SATL1: variants seen among roughly 807,000 people sequenced by gnomAD.
SATL1 encodes spermidine/spermine N1-acetyl transferase like 1.
SATL1 carries 47 observed loss-of-function variants against 51.8 expected under a neutral mutation model. That is an observed-to-expected ratio of 0.91 (90% CI 0.72 to 1.16). The LOEUF (loss-of-function observed/expected upper bound fraction) is 1.16, where lower values mean the gene tolerates loss of function less well. Ranked by LOEUF, SATL1 falls within the 50% of genes most tolerant of loss-of-function variation. The pLI is 0.00. For missense variants in SATL1, 520 were observed against 526.4 expected, an observed-to-expected ratio of 0.99 and a Z score of 0.12; for synonymous variants, 176 against 182.4, an observed-to-expected ratio of 0.97 and a Z score of 0.28.
In SATL1 at chrX:85,188,138, G is replaced by A. The variant is rs748188674; in HGVS notation, c.-313+36067C>T. Reference sequence around the variant, plus strand: ...AATTTTTACCTTCCTTGCATGCAAAGAAATGCTGTACATAAAAAGATAATT... The same window carrying A: ...AATTTTTACCTTCCTTGCATGCAAAAAAATGCTGTACATAAAAAGATAATT... On this transcript the variant is annotated intron_variant, in intron 2 of 7. Transcript: ENST00000644105. 1.8e-4 allele frequency among the ~76,000 whole-genome samples: 20 copies of A among 111,633 alleles called. No homozygotes were observed. The Admixed American group carries it at 1.8e-3, about 10-fold the overall frequency.
chrX:85,174,918 T>C (rs1311185272), intron 2 of SATL1, among the ~76,000 whole-genome samples: 3 of 111,566 alleles, frequency 2.7e-5, no homozygotes, highest in East Asian at 2.8e-4. Flanking sequence ...ACCTATATGG[T>C]ACGGAGGCAT....
chrX:85,110,719 G>A (rs1334289162), intron 2 of SATL1, among the ~76,000 whole-genome samples: 1 of 112,135 alleles, frequency 8.9e-6, no homozygotes, highest in Non-Finnish European at 1.9e-5. Context: ...ATTGTACCTA[G>A]AGAGCCCATC....
At chrX:85,173,212 C>T (rs1213966411) in intron 2 of SATL1, among the ~76,000 whole-genome samples, 4 of 110,614 alleles carry the variant, frequency 3.6e-5, no homozygotes, top group Non-Finnish European at 7.6e-5. Context: ...GTTAAGGACC[C>T]AGGGCCAAAT....
chrX:85,207,059 G>C (rs1207697454), intron 2 of SATL1: 1 of 111,824 alleles, frequency 8.9e-6, no homozygotes, highest in Non-Finnish European at 1.9e-5. Flanking sequence ...TGCAGAAGCT[G>C]GAGGTTTTAA....
At chrX:85,171,073 TTAAAAGTAAGAAATACTAATAGAATAA>T (rs1478487894) in intron 2 of SATL1, among the ~76,000 whole-genome samples, 5 of 111,451 alleles carry the variant, frequency 4.5e-5, no homozygotes, top group Admixed American at 1.9e-4. Flanking sequence ...AACTGGTAAT[TTAAAAGTAAGAAATACTAATAGAATAA>T]TATGGTCATA....
chrX:85,125,773 G>A (rs1346086315), intron 2 of SATL1, among the ~76,000 whole-genome samples: 1 of 109,007 alleles, frequency 9.2e-6, no homozygotes, highest in Non-Finnish European at 1.9e-5. Flanking sequence ...ATCCATTATT[G>A]AATCATTCAA....
chrX:85,220,680 A>G (rs1174372182), intron 2 of SATL1, among the ~76,000 whole-genome samples: 1 of 87,497 alleles, frequency 1.1e-5, no homozygotes, highest in Non-Finnish European at 2.1e-5. Flanking sequence ...AAAAAAAAAA[A>G]AAAAAAACTC....
At chrX:85,202,897 G>A (rs750993838) in intron 2 of SATL1, among the ~76,000 whole-genome samples, 1 of 112,113 alleles carries the variant, frequency 8.9e-6, no homozygotes, top group African/African-American at 3.2e-5. Flanking sequence ...TGTAGAGGCA[G>A]TGACCAAGTG....
chrX:85,108,704 T>C lies in SATL1; in HGVS notation c.265A>G (p.Met89Val), dbSNP rs1380596529. The change falls in exon 3 of 8, where the codon ATG becomes GTG. Residue 89 changes from methionine to valine, a missense_variant. Met to Val is a conservative substitution (Grantham distance 21, BLOSUM62 1). Coordinates refer to ENST00000644105, the MANE Select transcript of SATL1 (RefSeq NM_001367857.2). Reference protein sequence around the residue: ...TWQLGRSQPGMLQQELSQLVL... With the variant: ...TWQLGRSQPGVLQQELSQLVL... ...AGTTGGCTCAGTTCTTGTTGCAGCA[T>C]GCCTGGTTGGCTCCTACCTAATTGC... 1.7e-6 allele frequency: 2 copies of C among 1,201,814 alleles called. No individual in the cohort carries two copies. Among genetic ancestry groups the C allele is most frequent in the Non-Finnish European group, 2.2e-6 (2 of 890,699 alleles).
At chrX:85,153,068 C>A (rs1201042779) in intron 2 of SATL1, among the ~76,000 whole-genome samples, 3 of 110,156 alleles carry the variant, frequency 2.7e-5, no homozygotes, top group Non-Finnish European at 3.8e-5. Flanking sequence ...ATCAGAGAAC[C>A]ACATTCATAT....
intron 2 of SATL1, among the ~76,000 whole-genome samples, chrX:85,155,732 C>CA (rs935407406): frequency 1.9e-4 from 21 of 111,058 alleles, no homozygotes; most frequent in Admixed American, 5.8e-4. Flanking sequence ...GCCATGGTGC[C>CA]AGACAGAATG....
chrX:85,136,292 T>C (rs972708869), intron 2 of SATL1, among the ~76,000 whole-genome samples: 3 of 111,466 alleles, frequency 2.7e-5, no homozygotes, highest in African/African-American at 6.5e-5. Context: ...ACACTGGAGA[T>C]AGATTTGAGA....
chrX:85,094,785 T>G, intron 5 of SATL1, 131 bp downstream of exon 5: 1 of 451,495 alleles, frequency 2.2e-6, no homozygotes, highest in Non-Finnish European at 3.9e-6. Flanking sequence ...ACCATGCATT[T>G]TCTTTAAAAA....
At chrX:85,093,554 G>A (rs942207779) in intron 6 of SATL1, among the ~76,000 whole-genome samples, 2 of 112,373 alleles carry the variant, frequency 1.8e-5, no homozygotes, top group Non-Finnish European at 3.7e-5. Context: ...AAGTATAGCT[G>A]TGTGGCCTAT....
chrX:85,168,715 T>C (rs756182867), intron 2 of SATL1, among the ~76,000 whole-genome samples: 1 of 111,960 alleles, frequency 8.9e-6, no homozygotes, highest in South Asian at 3.7e-4. Context: ...ATTTATAGGT[T>C]CAATGCTATT....
At chrX:85,193,367 C>T (rs1276728925) in intron 2 of SATL1, among the ~76,000 whole-genome samples, 2 of 110,753 alleles carry the variant, frequency 1.8e-5, no homozygotes, top group African/African-American at 3.3e-5. Context: ...GCTACCCAGG[C>T]GAAGAAGAAG....
intron 2 of SATL1, chrX:85,210,767 T>C (rs903495087): frequency 2.7e-5 from 3 of 111,786 alleles, no homozygotes; most frequent in Non-Finnish European, 3.8e-5. Flanking sequence ...CAATCTTCAT[T>C]GAACTCACAC....
intron 2 of SATL1, among the ~76,000 whole-genome samples, chrX:85,161,220 A>T (rs1217250036): frequency 4.5e-5 from 5 of 111,761 alleles, no homozygotes; most frequent in African/African-American, 1.6e-4. Context: ...AAATACACAG[A>T]CCAGTGACAC....
Position 85,108,669 on chromosome X carries a change from G to A in SATL1, c.300C>T (p.Ser100=), listed in dbSNP as rs745878637. ...LQQELSQLVL[S]KAGISQPDPS... Reference sequence around the variant, plus strand: ...GGTCTGGTTGGCTTATGCCTGCTTTGCTCAGGACTAGTTGGCTCAGTTCTT... The same window carrying A: ...GGTCTGGTTGGCTTATGCCTGCTTTACTCAGGACTAGTTGGCTCAGTTCTT... The change falls in exon 3 of 8, where the codon AGC becomes AGT. Residue 100 remains serine (S), a synonymous_variant. Transcript: ENST00000644105. 19 of 1,198,743 alleles carry A rather than the reference G, an allele frequency of 1.6e-5. No individual in the cohort carries two copies. Among genetic ancestry groups the A allele is most frequent in the South Asian group, 1.4e-4 (8 of 55,478 alleles).
Sources: allele counts gnomAD v4.1 joint callset (sites outside exome capture counted in the v4.1 genomes callset), GRCh38; gene constraint gnomAD v4.1.1; transcripts MANE v1.5; gene names NCBI Gene and HGNC (gene_info 2026-07-23, HGNC 2026-07-21).